Variants in ADAMTS20 observed in about 807,000 individuals in gnomAD.
ADAMTS20 encodes the protein ADAM metallopeptidase with thrombospondin type 1 motif 20.
In ADAMTS20, 225 loss-of-function variants were observed where a neutral mutation model predicts 260.1. The ratio of observed to expected loss-of-function variants is 0.87; its 90% CI spans 0.78 to 0.97. The LOEUF (loss-of-function observed/expected upper bound fraction) is 0.97, where lower values mean the gene tolerates loss of function less well. ADAMTS20 is among the 50% of genes least tolerant of loss of function. The pLI is 0.00. For missense variants in ADAMTS20, 2,400 were observed against 2,337.7 expected (o/e 1.03, Z -0.55); for synonymous variants, 802 against 769.5 (o/e 1.04, Z -0.70).
intron 4 of ADAMTS20, among the ~76,000 whole-genome samples, chr12:43,499,006 A>G (rs1942716690): frequency 6.6e-6 from 1 of 152,194 alleles, no homozygotes; most frequent in South Asian, 2.1e-4. Flanking sequence ...CCTCACTTGA[A>G]CATTCTTTCA....
intron 7 of ADAMTS20, among the ~76,000 whole-genome samples, chr12:43,484,117 T>TA (rs1161142560): frequency 2.0e-5 from 3 of 151,864 alleles, no homozygotes; most frequent in Non-Finnish European, 4.4e-5. Context: ...TAGGTGACAA[T>TA]AAACTATAAA....
At chr12:43,353,061 T>C (rs1939669378), downstream of ADAMTS20, among the ~76,000 whole-genome samples, 2 of 152,112 alleles carry the variant, frequency 1.3e-5, no homozygotes, top group African/African-American at 4.8e-5. Context: ...ATTAGTAGAT[T>C]CCATTTGGTT....
rs1565555974 is a variant in ADAMTS20, at chr12:43,454,018, GT to G, written c.1648del (p.Thr550ArgfsTer6). On this transcript the variant is annotated frameshift_variant, in exon 12 of 39. Coordinates refer to ENST00000389420, the MANE Select transcript of ADAMTS20 (RefSeq NM_025003.5). LOFTEE classifies it high-confidence loss of function. ...CRHGLCVNKE[T>X]ETRPVNGEWG... is the part of the protein sequence containing the mutation. The stretch of plus-strand genomic sequence containing the variant: ...TTCACCATTTACAGGACGTGTTTCC[GT>G]TTCTTTGTTTACACATAGCCCATGA... The G allele has an allele frequency of 6.2e-7, 1 of 1,613,576 alleles. No individual in the cohort carries two copies. Among genetic ancestry groups the G allele is most frequent in the Non-Finnish European group, 8.5e-7 (1 of 1,179,748 alleles).
Position 43,440,926 on chromosome 12 carries a change from G to A in ADAMTS20, c.2291-857C>T, listed in dbSNP as rs533876122. Among the ~76,000 whole-genome samples, 148 of 152,200 alleles carry A rather than the reference G, an allele frequency of 9.7e-4. 1 individual carries two copies. The highest frequency in any genetic ancestry group is 3.1e-3 in the African/African-American group (127 of 41,544). ...AAAAATACAAAAAAATTAGCCGGGC[G>A]TACTGGCGGGCGCCTGTAGTCCCAG... On this transcript the variant is annotated intron_variant, in intron 16 of 38. Coordinates refer to ENST00000389420, the MANE Select transcript of ADAMTS20 (RefSeq NM_025003.5).
At chr12:43,421,779 AGT>A (rs1941242694) in intron 28 of ADAMTS20, among the ~76,000 whole-genome samples, 2 of 152,220 alleles carry the variant, frequency 1.3e-5, no homozygotes, top group African/African-American at 2.4e-5. Context: ...TTTAAATCCC[AGT>A]GTTAGTTTCT....
intron 7 of ADAMTS20, among the ~76,000 whole-genome samples, chr12:43,484,580 G>C (rs1336559045): frequency 1.3e-5 from 2 of 152,102 alleles, no homozygotes; most frequent in African/African-American, 2.4e-5. Context: ...CAACAGACTA[G>C]AAGAGATAAT....
chr12:43,377,199 G>A (rs1287625705), intron 32 of ADAMTS20, among the ~76,000 whole-genome samples, 166 bp downstream of exon 32: 4 of 152,088 alleles, frequency 2.6e-5, no homozygotes, highest in Non-Finnish European at 2.9e-5. Flanking sequence ...AGCAAGCATC[G>A]AACAAGAGAT....
At position 43,453,977 on chromosome 12, in the gene ADAMTS20, G is replaced by A. The variant is rs370835544; in HGVS notation, c.1690C>T (p.Pro564Ser). Residue 564 changes from proline (P) to serine (S), a missense_variant, in exon 12 of 39, where the codon CCT (proline) becomes TCT (serine). Pro to Ser is a moderately conservative substitution (Grantham distance 74, BLOSUM62 -1). Coordinates refer to ENST00000389420, the MANE Select transcript of ADAMTS20 (RefSeq NM_025003.5). ...PVNGEWGPWEPYSSCSRTCGG... is the reference protein window; with the variant it reads ...PVNGEWGPWESYSSCSRTCGG... ...CATGTTCTTGAACAAGAACTGTAAG[G>A]TTCCCATGGTCCCCATTCACCATTT... The A allele has an allele frequency of 6.2e-7, 1 of 1,613,520 alleles. No homozygotes were observed. The highest frequency in any genetic ancestry group is 1.1e-5 in the South Asian group (1 of 90,996).
chr12:43,452,166 T>C (rs1184927029), intron 14 of ADAMTS20, 108 bp downstream of exon 14: 6 of 1,220,916 alleles, frequency 4.9e-6, no homozygotes, highest in Admixed American at 5.7e-5. Flanking sequence ...TTGGAATGCA[T>C]AAGAACATAT....
chr12:43,436,735 T>C (rs1359168940), intron 18 of ADAMTS20, among the ~76,000 whole-genome samples: 1 of 152,022 alleles, frequency 6.6e-6, no homozygotes, highest in Non-Finnish European at 1.5e-5. Flanking sequence ...TAAATAAAAT[T>C]CCCCACACTG....
At chr12:43,486,773 A>G (rs1942528610) in intron 7 of ADAMTS20, among the ~76,000 whole-genome samples, 1 of 152,198 alleles carries the variant, frequency 6.6e-6, no homozygotes, top group Non-Finnish European at 1.5e-5. Flanking sequence ...GGACATGAAC[A>G]GACATTTCTC....
chr12:43,530,493 G>A (rs1510526), intron 3 of ADAMTS20, among the ~76,000 whole-genome samples: 14,311 of 152,180 alleles, frequency 0.094, 808 homozygotes, highest in Middle Eastern at 0.12. Context: ...TAGACACAGT[G>A]AGAACCACTC....
chr12:43,534,963 C>G (rs1282039592), intron 2 of ADAMTS20, among the ~76,000 whole-genome samples: 1 of 152,076 alleles, frequency 6.6e-6, no homozygotes, highest in African/African-American at 2.4e-5. Flanking sequence ...TCACCTCTAC[C>G]TCTGCATCAT....
chr12:43,496,397 T>C (rs770895145), intron 4 of ADAMTS20, among the ~76,000 whole-genome samples: 8 of 152,212 alleles, frequency 5.3e-5, no homozygotes, highest in Admixed American at 1.3e-4. Flanking sequence ...GAGCACTGAC[T>C]ACTTTATCTG....
chr12:43,493,271 G>A lies in ADAMTS20; in HGVS notation c.868-18C>T, dbSNP rs1320608444. The A allele has an allele frequency of 2.0e-6, 3 of 1,487,506 alleles. No individual in the cohort carries two copies. The highest frequency in any genetic ancestry group is 2.5e-5 in the South Asian group (2 of 81,396). 92.1% of individuals were successfully genotyped at this position (1,487,506 alleles called of 1,614,324 possible). On this transcript the variant is annotated intron_variant, in intron 4 of 38. Coordinates refer to ENST00000389420, the MANE Select transcript of ADAMTS20 (RefSeq NM_025003.5). The stretch of plus-strand genomic sequence containing the variant: ...GTTGCAACCTGCATGTAAAAAAAAT[G>A]TAGGATTAGTTGTTTAAAATGAATA...
At chr12:43,459,750 A>C (rs569914396) in intron 11 of ADAMTS20, among the ~76,000 whole-genome samples, 1 of 152,356 alleles carries the variant, frequency 6.6e-6, no homozygotes, top group South Asian at 2.1e-4. Flanking sequence ...AAAGTCATTC[A>C]ATATAAGAAA....
chr12:43,461,464 A>G (rs955722839), intron 11 of ADAMTS20, among the ~76,000 whole-genome samples: 5 of 152,344 alleles, frequency 3.3e-5, no homozygotes, highest in African/African-American at 7.2e-5. Context: ...GATTTAGAAT[A>G]TTAATAAATT....
rs906222811 is a variant in ADAMTS20, at chr12:43,376,350, CAACTT to C, written c.5126-25_5126-21del. The stretch of plus-strand genomic sequence containing the variant: ...ATTTACCTTCAAAGACAAATTAACA[CAACTT>C]AACACAGAGCAAATTACAAACACAG... On this transcript the variant is annotated intron_variant, in intron 33 of 38. Transcript: ENST00000389420. 7.9e-6 allele frequency: 12 copies of C among 1,516,854 alleles called. No individual in the cohort carries two copies. The highest frequency in any genetic ancestry group is 4.3e-5 in the Admixed American group (2 of 46,124). 94.0% of individuals were successfully genotyped at this position (1,516,854 alleles called of 1,614,324 possible). A position where few individuals can be genotyped will look rare whatever the true frequency, so the allele number is the denominator to read the frequency against.
chr12:43,513,624 C>A (rs897870655), intron 3 of ADAMTS20, among the ~76,000 whole-genome samples: 1 of 152,004 alleles, frequency 6.6e-6, no homozygotes, highest in Non-Finnish European at 1.5e-5. Context: ...ATGTTTATTG[C>A]GGCACTATTC....
Sources: allele counts gnomAD v4.1 joint callset (sites outside exome capture counted in the v4.1 genomes callset), GRCh38; gene constraint gnomAD v4.1.1; transcripts MANE v1.5; gene names NCBI Gene and HGNC (gene_info 2026-07-23, HGNC 2026-07-21).